Variants in POU2AF1 observed in about 807,000 individuals in gnomAD.
POU2AF1 encodes the protein POU domain class 2-associating factor 1.
Under a neutral mutation model 26.3 loss-of-function variants are expected in POU2AF1, and 12 were observed. That is an observed-to-expected ratio of 0.46 (90% CI 0.29 to 0.74). The LOEUF (loss-of-function observed/expected upper bound fraction) is 0.74. Ranked by LOEUF, POU2AF1 falls within the 30% of genes least tolerant of loss-of-function variation. The pLI is 0.09. For synonymous variants in POU2AF1, 175 were observed against 148.0 expected (o/e 1.18, Z -1.32); for missense variants, 297 against 334.5 (o/e 0.89, Z 0.87).
chr11:111,369,506 A>G (rs1485663686), intron 1 of POU2AF1, among the ~76,000 whole-genome samples: 2 of 152,214 alleles, frequency 1.3e-5, no homozygotes, highest in Non-Finnish European at 2.9e-5. Context: ...CAAGGGGGCT[A>G]GAAACCTAGG....
Position 111,357,843 on chromosome 11 carries a change from G to A in POU2AF1, c.148-6C>T, listed in dbSNP as rs1281333895. 6.2e-7 allele frequency: 1 copy of A among 1,605,758 alleles called. No homozygotes were observed. Reference sequence around the variant, plus strand: ...GGCTGATGGGGCAGCACCACCTAGAGGGGAGAGGAGAAGACCAGGGTCAAT... The same window carrying A: ...GGCTGATGGGGCAGCACCACCTAGAAGGGAGAGGAGAAGACCAGGGTCAAT... On this transcript the variant is annotated splice_polypyrimidine_tract_variant and splice_region_variant and intron_variant, in intron 2 of 4. Transcript: ENST00000393067.
At chr11:111,356,688 C>G (rs552255791) in intron 4 of POU2AF1, among the ~76,000 whole-genome samples, 2 of 152,214 alleles carry the variant, frequency 1.3e-5, no homozygotes, top group African/African-American at 4.8e-5. Flanking sequence ...CCTTTCCCAT[C>G]AAGCCCTTGG....
chr11:111,355,770 G>C (rs1302527553), intron 4 of POU2AF1, among the ~76,000 whole-genome samples: 1 of 152,132 alleles, frequency 6.6e-6, no homozygotes, highest in African/African-American at 2.4e-5. Flanking sequence ...TGGTCTCAGA[G>C]GCCTTCCAGC....
chr11:111,379,061 C>T, intron 1 of POU2AF1, 101 bp downstream of exon 1: 1 of 1,482,982 alleles, frequency 6.7e-7, no homozygotes, highest in Non-Finnish European at 9.4e-7. Flanking sequence ...CCCCGTGGCC[C>T]CATCACCTCC....
chr11:111,354,563 C>T lies in POU2AF1; in HGVS notation c.469G>A (p.Ala157Thr), dbSNP rs761396563. ...LITNVTTRSS[A>T]TPAVGPPLEG... is the part of the protein sequence containing the mutation. ...AGCGGGGGCCCCACTGCGGGCGTGG[C>T]GGAGCTTCTTGTCTGTGACAGGAAA... is the stretch of plus-strand genomic sequence containing the variant. The change falls in exon 5 of 5, where the codon GCC becomes ACC. Residue 157 changes from alanine to threonine, a missense_variant. Ala to Thr is a moderately conservative substitution (Grantham distance 58). Coordinates refer to ENST00000393067, the MANE Select transcript of POU2AF1 (RefSeq NM_006235.3). The T allele has an allele frequency of 1.6e-5, 25 of 1,526,754 alleles. No homozygotes were observed. In the Middle Eastern group the frequency reaches 5.6e-4, roughly 34 times the overall value. The allele number at this position is 1,526,754 out of a possible 1,614,324, so 94.6% of individuals were successfully genotyped here. A position where few individuals can be genotyped will look rare whatever the true frequency, so the allele number is the denominator to read the frequency against.
rs1860786695 is a variant in POU2AF1, at chr11:111,353,925, GAA to G, written c.*334_*335del. On this transcript the variant is annotated 3_prime_UTR_variant, in exon 5 of 5. Transcript: ENST00000393067. ...GGAGGGAGGTAAAGAAGGAAAGGGA[GAA>G]GGGAAGGAGGGAAGGAAGGGAGGGA... 1 of 320,550 alleles carries G rather than the reference GAA, an allele frequency of 3.1e-6. No individual in the cohort carries two copies. Among genetic ancestry groups the G allele is most frequent in the African/African-American group, 2.2e-5 (1 of 45,342 alleles). 19.9% of individuals were successfully genotyped at this position (320,550 alleles called of 1,614,324 possible).
At position 111,354,290 on chromosome 11, in the gene POU2AF1, T is replaced by G. The variant is rs878997210; in HGVS notation, c.742A>C (p.Asn248His). Residue 248 changes from asparagine (N) to histidine (H), a missense_variant, in exon 5 of 5, where the codon AAC becomes CAC. Asn to His is a moderately conservative substitution (Grantham distance 68). Coordinates refer to ENST00000393067, the MANE Select transcript of POU2AF1 (RefSeq NM_006235.3). ...EEEDSDAYAL[N>H]HTLSVEGF The stretch of plus-strand genomic sequence containing the variant: ...AAGCCTTCCACAGAGAGAGTGTGGT[T>G]AAGCGCATAGGCGTCGCTATCCTCT... 1 of 1,614,236 alleles carries G rather than the reference T, an allele frequency of 6.2e-7. No individual in the cohort carries two copies. Among genetic ancestry groups the G allele is most frequent in the South Asian group, 1.1e-5 (1 of 91,072 alleles).
intron 4 of POU2AF1, among the ~76,000 whole-genome samples, chr11:111,356,425 C>T (rs934582983): frequency 2.0e-5 from 3 of 152,180 alleles, no homozygotes; most frequent in African/African-American, 7.2e-5. Flanking sequence ...ATCAGGATGA[C>T]ACTGGACCCT....
intron 1 of POU2AF1, among the ~76,000 whole-genome samples, chr11:111,373,232 A>T (rs1490685215): frequency 6.6e-6 from 1 of 152,216 alleles, no homozygotes; most frequent in Admixed American, 6.5e-5. Context: ...TTCCCCAGAG[A>T]TGTTTGTTTA....
rs1860753660 is a variant in POU2AF1, at chr11:111,352,921, A to G, written c.*1340T>C. The G allele has an allele frequency of 5.6e-6, 1 of 178,302 alleles. No individual in the cohort carries two copies. The highest frequency in any genetic ancestry group is 2.4e-5 in the African/African-American group (1 of 42,210). 11.0% of individuals were successfully genotyped at this position (178,302 alleles called of 1,614,324 possible). A position where few individuals can be genotyped will look rare whatever the true frequency, so the allele number is the denominator to read the frequency against. On this transcript the variant is annotated 3_prime_UTR_variant, in exon 5 of 5. Coordinates refer to ENST00000393067, the MANE Select transcript of POU2AF1 (RefSeq NM_006235.3). ...GTACTCCAGCCTGGGCAATGGAGTG[A>G]GACTCCGTCCCAAAAAAAACCAAAA...
At chr11:111,357,408 G>A in intron 4 of POU2AF1, 37 bp downstream of exon 4, 1 of 1,612,564 alleles carries the variant, frequency 6.2e-7, no homozygotes, top group South Asian at 1.1e-5. Context: ...GGTGCACTCA[G>A]CATGGGCGGG....
intron 1 of POU2AF1, among the ~76,000 whole-genome samples, chr11:111,360,360 C>T (rs1860981922): frequency 6.6e-6 from 1 of 152,184 alleles, no homozygotes; most frequent in Non-Finnish European, 1.5e-5. Context: ...TTGAACTTTG[C>T]TCAGTAAATA....
intron 1 of POU2AF1, among the ~76,000 whole-genome samples, chr11:111,367,766 G>A (rs563330218): frequency 1.3e-5 from 2 of 152,306 alleles, no homozygotes; most frequent in Non-Finnish European, 2.9e-5. Flanking sequence ...ATCTGTCCAC[G>A]AGAACCTTGT....
intron 1 of POU2AF1, among the ~76,000 whole-genome samples, chr11:111,364,463 A>G (rs373210530): frequency 5.9e-5 from 9 of 152,250 alleles, no homozygotes; most frequent in East Asian, 1.9e-4. Context: ...TGCTCATCTA[A>G]GGAGCTAAGA....
rs780816868 is a variant in POU2AF1 at position 111,354,277 on chromosome 11, G to A, written c.755C>T (p.Ser252Phe). The A allele has an allele frequency of 2.5e-6, 4 of 1,614,186 alleles. No individual in the cohort carries two copies. The highest frequency in any genetic ancestry group is 3.4e-6 in the Non-Finnish European group (4 of 1,180,020). The change falls in exon 5 of 5, where the codon TCT becomes TTT. Residue 252 changes from serine (S) to phenylalanine (F), a missense_variant. By Grantham distance (155) the Ser-to-Phe change is radical (BLOSUM62 -2). Transcript: ENST00000393067. ...SDAYALNHTL[S>F]VEGF ...GAGCCACGCCTAAAAGCCTTCCACA[G>A]AGAGAGTGTGGTTAAGCGCATAGGC...
rs79758458 is a variant in POU2AF1, at chr11:111,366,098, G to A, written c.17-7180C>T. Among the ~76,000 whole-genome samples, 800 of 152,306 alleles carry A rather than the reference G, an allele frequency of 5.3e-3. 12 individuals carry two copies. Among genetic ancestry groups the A allele is most frequent in the African/African-American group, 0.018 (760 of 41,556 alleles). On this transcript the variant is annotated intron_variant, in intron 1 of 4. Transcript: ENST00000393067. The stretch of plus-strand genomic sequence containing the variant: ...TTCCAAACAGGAAGAAAGAAGTTGG[G>A]TTTTGGCCAAAGGTTGGACTTGACA...
At chr11:111,373,394 C>T (rs1445589230) in intron 1 of POU2AF1, among the ~76,000 whole-genome samples, 1 of 152,214 alleles carries the variant, frequency 6.6e-6, no homozygotes, top group East Asian at 1.9e-4. Flanking sequence ...ACAATTTAAT[C>T]AGAAGCTCTA....
intron 1 of POU2AF1, 101 bp downstream of exon 1, chr11:111,379,061 C>A: frequency 6.7e-7 from 1 of 1,482,984 alleles, no homozygotes; most frequent in South Asian, 1.1e-5. Context: ...CCCCGTGGCC[C>A]CATCACCTCC....
chr11:111,366,144 G>A (rs182704768), intron 1 of POU2AF1, among the ~76,000 whole-genome samples: 5 of 152,286 alleles, frequency 3.3e-5, no homozygotes, highest in East Asian at 1.9e-4. Context: ...AGGCTTTCCC[G>A]CTCATTTACA....
Sources: allele counts gnomAD v4.1 joint callset (sites outside exome capture counted in the v4.1 genomes callset), GRCh38; gene constraint gnomAD v4.1.1; transcripts MANE v1.5; gene names NCBI Gene and HGNC (gene_info 2026-07-23, HGNC 2026-07-21).